DFFB: variants seen among roughly 807,000 people sequenced by gnomAD.
DFFB encodes DNA fragmentation factor subunit beta, also known as DNA fragmentation factor 40 kDa subunit.
A neutral mutation model predicts 32.7 loss-of-function variants in DFFB; 29 were observed. That is an observed-to-expected ratio of 0.89 (90% CI 0.66 to 1.21). The LOEUF is 1.21. Ranked by LOEUF, DFFB falls within the 50% of genes most tolerant of loss-of-function variation. The pLI, the probability that DFFB is intolerant of heterozygous loss-of-function variation, is 0.00. For missense variants in DFFB, 398 were observed against 440.6 expected (o/e 0.90, Z 0.87); for synonymous variants, 170 against 177.1 (o/e 0.96, Z 0.32).
chr1:3,866,226 G>A (rs535921876), intron 3 of DFFB: 7 of 668,114 alleles, frequency 1.0e-5, no homozygotes, highest in South Asian at 9.1e-5. Context: ...GCCCTCGGAT[G>A]GGACTTTTTA....
chr1:3,869,848 G>T, intron 5 of DFFB, 73 bp downstream of exon 5: 3 of 1,464,236 alleles, frequency 2.0e-6, no homozygotes, highest in South Asian at 2.7e-5. Context: ...GGCGAGGCGG[G>T]TGGGGACCTT....
At chr1:3,867,948 TG>T (rs751383491) in intron 3 of DFFB, 25 bp from the exon 4 acceptor site, 1 of 1,612,798 alleles carries the variant, frequency 6.2e-7, no homozygotes, top group Admixed American at 1.7e-5. Flanking sequence ...CCTGTGGACT[TG>T]GGGGTCTTCT....
chr1:3,858,541 C>T (rs1190786599), intron 1 of DFFB, among the ~76,000 whole-genome samples, 177 bp from the exon 2 acceptor site: 7 of 152,242 alleles, frequency 4.6e-5, no homozygotes, highest in African/African-American at 1.7e-4. Context: ...CGCAGTCAGG[C>T]GCCCTTGCTC....
At chr1:3,875,410 A>T (rs561769432) in intron 6 of DFFB, among the ~76,000 whole-genome samples, 7 of 152,190 alleles carry the variant, frequency 4.6e-5, no homozygotes, top group African/African-American at 1.4e-4. Context: ...GAGTCCCTCT[A>T]GTGAGTGTGC....
chr1:3,883,374 AG>A, intron 6 of DFFB, 132 bp from the exon 7 acceptor site: 1 of 795,986 alleles, frequency 1.3e-6, no homozygotes, highest in Non-Finnish European at 2.0e-6. Flanking sequence ...AAACCTGGCC[AG>A]TAGGTGCGGC....
chr1:3,871,971 A>G (rs1207250933), intron 5 of DFFB, among the ~76,000 whole-genome samples: 3 of 152,156 alleles, frequency 2.0e-5, no homozygotes, highest in African/African-American at 7.2e-5. Flanking sequence ...CACCCAGGCG[A>G]TGGTGCTAGA....
chr1:3,864,795 C>A (rs971476448), intron 2 of DFFB, among the ~76,000 whole-genome samples: 1 of 151,532 alleles, frequency 6.6e-6, no homozygotes, highest in East Asian at 2.0e-4. Flanking sequence ...GTGATTCTCC[C>A]ACCTCGGTCT....
In DFFB at chr1:3,872,724, A is replaced by C. The variant is rs1364462927; in HGVS notation, c.782+152A>C. 6 of 757,666 alleles carry C rather than the reference A, an allele frequency of 7.9e-6. No individual in the cohort carries two copies. The East Asian group carries it at 1.1e-4, about 14-fold the overall frequency. 46.9% of individuals were successfully genotyped at this position (757,666 alleles called of 1,614,324 possible). A position where few individuals can be genotyped will look rare whatever the true frequency, so the allele number is the denominator to read the frequency against. On this transcript the variant is annotated intron_variant, in intron 6 of 6. Coordinates refer to ENST00000378209, the MANE Select transcript of DFFB (RefSeq NM_004402.4). ...GTTTCAAGGGCTGCACCCGTGTTAC[A>C]GCCCAGGGAAGGGGTACCTGATGGC...
At chr1:3,873,741 A>T (rs1451999255) in intron 6 of DFFB, among the ~76,000 whole-genome samples, 1 of 152,048 alleles carries the variant, frequency 6.6e-6, no homozygotes, top group Non-Finnish European at 1.5e-5. Context: ...AGTCTCCCAA[A>T]GTTCTGGGGT....
rs1141070 is a variant in DFFB, at chr1:3,869,625, G to A, written c.531G>A (p.Thr177=). The part of the protein sequence containing the change: ...YLREVSSYPS[T]VGAEAQEEFL... ...TCCAGGTGAGCTCCTACCCCTCCAC[G>A]GTGGGTGCGGAGGCTCAGGAGGAAT... Residue 177 remains threonine, a synonymous_variant, in exon 5 of 7, where the codon ACG becomes ACA. Transcript: ENST00000378209. 554,233 of 1,611,634 alleles carry A rather than the reference G, an allele frequency of 0.34. 100,101 individuals are homozygous for A. Among genetic ancestry groups the A allele is most frequent in the Non-Finnish European group, 0.38 (450,567 of 1,178,856 alleles).
chr1:3,868,800 T>C (rs1645051240), intron 4 of DFFB, among the ~76,000 whole-genome samples: 1 of 151,886 alleles, frequency 6.6e-6, no homozygotes, highest in East Asian at 1.9e-4. Context: ...CCTGTCCTAG[T>C]GCTGCCCTGC....
chr1:3,866,280 C>T, intron 3 of DFFB: 1 of 504,170 alleles, frequency 2.0e-6, no homozygotes, highest in Non-Finnish European at 3.8e-6. Context: ...GCTCTGTCCC[C>T]CAGGCTGGAG....
intron 6 of DFFB, 65 bp downstream of exon 6, chr1:3,872,637 T>TGTCCCTGCCGCGGCCCC: frequency 1.4e-6 from 2 of 1,421,508 alleles, no homozygotes; most frequent in Non-Finnish European, 2.0e-6. Context: ...GCCGTGGCCC[T>TGTCCCTGCCGCGGCCCC]GTCCCTGCCA....
rs1644813112 is a variant in DFFB, at chr1:3,858,706, C to G, written c.115-12C>G. 1 of 1,612,754 alleles carries G rather than the reference C, an allele frequency of 6.2e-7. No individual in the cohort carries two copies. Among genetic ancestry groups the G allele is most frequent in the Admixed American group, 1.7e-5 (1 of 59,920 alleles). On this transcript the variant is annotated splice_polypyrimidine_tract_variant and intron_variant, in intron 1 of 6. Transcript: ENST00000378209. ...ACCCTTCCTCCTCCTGTTGCTTCTC[C>G]CGTCCCTGCAGCTCCCTGAGCGCGG...
chr1:3,879,950 T>C (rs1284234144), intron 6 of DFFB, among the ~76,000 whole-genome samples: 2 of 152,240 alleles, frequency 1.3e-5, no homozygotes, highest in African/African-American at 2.4e-5. Context: ...TGCTAAAGCA[T>C]TCAACCTTGC....
intron 6 of DFFB, among the ~76,000 whole-genome samples, chr1:3,880,329 C>T (rs1484814413): frequency 5.9e-5 from 9 of 152,196 alleles, no homozygotes; most frequent in African/African-American, 1.2e-4. Flanking sequence ...CTTCCTGGAC[C>T]GCCCCCTCTG....
At chr1:3,871,438 C>T (rs1645110663) in intron 5 of DFFB, among the ~76,000 whole-genome samples, 1 of 152,208 alleles carries the variant, frequency 6.6e-6, no homozygotes, top group Admixed American at 6.5e-5. Flanking sequence ...AGGCGCCCGC[C>T]ACCATGCCCG....
intron 2 of DFFB, among the ~76,000 whole-genome samples, chr1:3,861,823 G>A (rs576594455): frequency 6.6e-6 from 1 of 152,308 alleles, no homozygotes; most frequent in Admixed American, 6.5e-5. Flanking sequence ...TTTAGTTTCT[G>A]AAGACAAGGA....
At chr1:3,877,076 A>G (rs969821575) in intron 6 of DFFB, among the ~76,000 whole-genome samples, 5 of 152,162 alleles carry the variant, frequency 3.3e-5, no homozygotes, top group African/African-American at 1.2e-4. Context: ...TTTTAACACC[A>G]TAGCGGGGTC....
Sources: gnomAD v4.1 joint callset for allele counts (sites outside exome capture counted in the v4.1 genomes callset) on GRCh38, gnomAD v4.1.1 for gene constraint, MANE v1.5 for transcripts, NCBI Gene and HGNC (gene_info 2026-07-23, HGNC 2026-07-21) for gene names.